SMG1: variants seen among roughly 807,000 people sequenced by gnomAD.
The protein encoded by SMG1 is SMG1 nonsense mediated mRNA decay associated PI3K related kinase.
Under a neutral mutation model 419.9 loss-of-function variants are expected in SMG1, and 22 were observed. The ratio of observed to expected loss-of-function variants is 0.05; its 90% CI spans 0.04 to 0.07. The LOEUF (loss-of-function observed/expected upper bound fraction) is 0.07, where lower values mean the gene tolerates loss of function less well. Ranked by LOEUF, SMG1 falls within the 10% of genes least tolerant of loss-of-function variation. The pLI is 1.00. For synonymous variants in SMG1, 1,538 were observed against 1,553.5 expected, an observed-to-expected ratio of 0.99 and a Z score of 0.23; for missense variants, 3,185 against 4,342.0, an observed-to-expected ratio of 0.73 and a Z score of 7.49.
rs534755895 is a variant in SMG1, at chr16:18,904,169, T to C, written c.93-7213A>G. Reference sequence around the variant, plus strand: ...AGCCAGGATGGTCTCGATCTCCTGATCTCGTGATCCACCCACCTTGGCCTC... The same window carrying C: ...AGCCAGGATGGTCTCGATCTCCTGACCTCGTGATCCACCCACCTTGGCCTC... On this transcript the variant is annotated intron_variant, in intron 1 of 62. Coordinates refer to ENST00000446231, the MANE Select transcript of SMG1 (RefSeq NM_015092.5). 9.3e-5 allele frequency among the ~76,000 whole-genome samples: 14 copies of C among 150,122 alleles called. No homozygotes were observed. In the South Asian group the frequency reaches 2.7e-3, roughly 29 times the overall value.
At chr16:18,894,819 TTTG>T (rs545486694) in intron 3 of SMG1, among the ~76,000 whole-genome samples, 753 of 152,086 alleles carry the variant, frequency 5.0e-3, no homozygotes, top group Non-Finnish European at 8.0e-3. Flanking sequence ...AACTTTCTTT[TTTG>T]TTGTTGTTTT....
rs2033390130 is a variant in SMG1, at chr16:18,834,069, C to T, written c.8565+135G>A. The T allele has an allele frequency of 4.4e-6, 3 of 678,536 alleles. No homozygotes were observed. In the South Asian group the frequency reaches 6.0e-5, roughly 14 times the overall value. 42.0% of individuals were successfully genotyped at this position (678,536 alleles called of 1,614,324 possible). ...AACCAAGTTATAGCTATAAATCTCACAATTATCTTCCTTTTAAATGACTGG... is the reference window on the plus strand; with the variant it reads ...AACCAAGTTATAGCTATAAATCTCATAATTATCTTCCTTTTAAATGACTGG... On this transcript the variant is annotated intron_variant, in intron 50 of 62. Coordinates refer to ENST00000446231, the MANE Select transcript of SMG1 (RefSeq NM_015092.5).
At chr16:18,883,051 A>G (rs1405414388) in intron 9 of SMG1, among the ~76,000 whole-genome samples, 1 of 152,220 alleles carries the variant, frequency 6.6e-6, no homozygotes, top group African/African-American at 2.4e-5. Flanking sequence ...GAAGCGAAAC[A>G]CTTCCTTGCT....
chr16:18,919,813 T>TG (rs988470531), intron 1 of SMG1, among the ~76,000 whole-genome samples: 30 of 150,888 alleles, frequency 2.0e-4, no homozygotes, highest in South Asian at 4.2e-4. Context: ...CAAAAGGGGT[T>TG]GGGGGGGTCC....
At position 18,849,491 on chromosome 16, in the gene SMG1, T is replaced by C. The variant is rs2034473179; in HGVS notation, c.5462-113A>G. The C allele has an allele frequency of 8.0e-6, 8 of 998,598 alleles. No homozygotes were observed. In the South Asian group the frequency reaches 1.4e-4, roughly 17 times the overall value. The allele number at this position is 998,598 out of a possible 1,614,324, so 61.9% of individuals were successfully genotyped here. A position where few individuals can be genotyped will look rare whatever the true frequency, so the allele number is the denominator to read the frequency against. On this transcript the variant is annotated intron_variant, in intron 35 of 62. Transcript: ENST00000446231. Reference sequence around the variant, plus strand: ...TGATGTGTGTCGGCATTAGTACGGATTTTAAGAGTTCAAATTTCTCCCTGT... The same window carrying C: ...TGATGTGTGTCGGCATTAGTACGGACTTTAAGAGTTCAAATTTCTCCCTGT...
chr16:18,827,449 A>AATATACCTATAT lies in SMG1; in HGVS notation c.9741+570_9741+581dup, dbSNP rs1056473835. Among the ~76,000 whole-genome samples, 3 of 144,840 alleles carry AATATACCTATAT rather than the reference A, an allele frequency of 2.1e-5. No homozygotes were observed. The East Asian group carries it at 6.0e-4, about 29-fold the overall frequency. Reference sequence around the variant, plus strand: ...TCCAAAATATATATATATAGGTATAAATATACCTATATATATATATTTTTA... The same window carrying AATATACCTATAT: ...TCCAAAATATATATATATAGGTATAAATATACCTATATATATACCTATATATATATATTTTTA... On this transcript the variant is annotated intron_variant, in intron 55 of 62. Coordinates refer to ENST00000446231, the MANE Select transcript of SMG1 (RefSeq NM_015092.5).
At position 18,853,236 on chromosome 16, in the gene SMG1, T is replaced by C. The variant is rs557905673; in HGVS notation, c.4768+347A>G. 1.4e-4 allele frequency among the ~76,000 whole-genome samples: 22 copies of C among 152,356 alleles called. 1 individual carries two copies. The highest frequency in any genetic ancestry group is 5.3e-4 in the African/African-American group (22 of 41,596). On this transcript the variant is annotated intron_variant, in intron 31 of 62. Transcript: ENST00000446231. ...CCAGAATGGGAAACTTGAATCTTTATATAGTTTCTGTGTTCCACCAATCAA... is the reference window on the plus strand; with the variant it reads ...CCAGAATGGGAAACTTGAATCTTTACATAGTTTCTGTGTTCCACCAATCAA...
At chr16:18,836,715 C>T in intron 46 of SMG1, among the ~76,000 whole-genome samples, 183 bp from the exon 47 acceptor site, 1 of 152,134 alleles carries the variant, frequency 6.6e-6, no homozygotes, top group South Asian at 2.1e-4. Context: ...CAACCATGCT[C>T]ATGACATTTT....
chr16:18,882,222 A>G lies in SMG1; in HGVS notation c.1236T>C (p.Ile412=). 4 of 1,605,628 alleles carry G rather than the reference A, an allele frequency of 2.5e-6. No individual in the cohort carries two copies. Among genetic ancestry groups the G allele is most frequent in the Non-Finnish European group, 3.4e-6 (4 of 1,176,638 alleles). Residue 412 remains isoleucine (I), a synonymous_variant, in exon 10 of 63, where the codon ATT becomes ATC. Transcript: ENST00000446231. ...CCCGAATTGGGCTGAAGCGTTCCCCAATGCTCCTCACCACAGTACTAAATA... is the reference window on the plus strand; with the variant it reads ...CCCGAATTGGGCTGAAGCGTTCCCCGATGCTCCTCACCACAGTACTAAATA... ...LRVFSTVVRS[I]GERFSPIRGP... is the part of the protein sequence containing the mutation.
intron 62 of SMG1, 151 bp downstream of exon 62, chr16:18,811,610 C>T (rs1214373041): frequency 4.0e-6 from 3 of 750,938 alleles, no homozygotes; most frequent in African/African-American, 3.5e-5. Flanking sequence ...CTTGACGACG[C>T]CAGAGCTGTG....
In SMG1 at chr16:18,866,636, T is replaced by G. The variant is rs764562962; in HGVS notation, c.3335A>C (p.Gln1112Pro). The change falls in exon 23 of 63, where the codon CAA (glutamine) becomes CCA (proline). Residue 1112 changes from glutamine (Q) to proline (P), a missense_variant. Physicochemically the swap from Gln to Pro is moderately conservative, Grantham distance 76. This residue lies in a region of SMG1 where 121 missense variants were observed against 125.4 expected (regional missense o/e 0.96). Coordinates refer to ENST00000446231, the MANE Select transcript of SMG1 (RefSeq NM_015092.5). ...TCCAACCTACCTCCCTTCAGCCTGTTGAGCCACTGAGTTAATCCACAGAAG... is the reference window on the plus strand; with the variant it reads ...TCCAACCTACCTCCCTTCAGCCTGTGGAGCCACTGAGTTAATCCACAGAAG... ...KNLLWINSVA[Q>P]QAEGRFEKAS... 3.5e-5 allele frequency: 55 copies of G among 1,593,502 alleles called. No individual in the cohort carries two copies. Among genetic ancestry groups the G allele is most frequent in the Middle Eastern group, 2.3e-4 (1 of 4,436 alleles).
chr16:18,897,326 T>C (rs150448287), intron 1 of SMG1, among the ~76,000 whole-genome samples: 1,652 of 152,304 alleles, frequency 0.011, 16 homozygotes, highest in Non-Finnish European at 0.018. Context: ...ATAAGAATAA[T>C]TCTTTCTAAA....
Position 18,829,346 on chromosome 16 carries a change from G to A in SMG1, c.9543C>T (p.Thr3181=). 2.5e-6 allele frequency: 4 copies of A among 1,613,984 alleles called. No homozygotes were observed. Among genetic ancestry groups the A allele is most frequent in the Non-Finnish European group, 3.4e-6 (4 of 1,179,884 alleles). Residue 3181 remains threonine (T), a synonymous_variant, in exon 54 of 63, where the codon ACC becomes ACT. Transcript: ENST00000446231. ...KKHDLVRRLE[T]SISSCKTSLQ... ...GGCTTGTCTTACAAGAAGAAATACT[G>A]GTTTCTAGCCTTCGCACCAAGTCAT...
chr16:18,836,590 T>C, intron 46 of SMG1, 58 bp from the exon 47 acceptor site: 1 of 1,557,294 alleles, frequency 6.4e-7, no homozygotes, highest in South Asian at 1.2e-5. Flanking sequence ...TTCCACATAC[T>C]TTCCTACCCT....
chr16:18,864,980 T>A (rs146303354), intron 23 of SMG1, among the ~76,000 whole-genome samples: 1 of 152,196 alleles, frequency 6.6e-6, no homozygotes, highest in African/African-American at 2.4e-5. Context: ...GTGGAAAATA[T>A]TGATAAGTAG....
chr16:18,899,004 G>C (rs778918464), intron 1 of SMG1, among the ~76,000 whole-genome samples: 12 of 152,124 alleles, frequency 7.9e-5, no homozygotes, highest in Non-Finnish European at 1.6e-4. Context: ...TTGTTGTGAG[G>C]CTTAAATAAG....
chr16:18,834,533 T>C, intron 49 of SMG1, 95 bp from the exon 50 acceptor site: 2 of 1,225,424 alleles, frequency 1.6e-6, no homozygotes, highest in Non-Finnish European at 1.1e-6. Context: ...TTCCAGCATT[T>C]TGGGAGGCCG....
In SMG1 at chr16:18,830,238, A is replaced by G; in HGVS notation, c.8924T>C (p.Phe2975Ser). 6.2e-7 allele frequency: 1 copy of G among 1,613,960 alleles called. No homozygotes were observed. The change falls in exon 52 of 63, where the codon TTC becomes TCC. Residue 2975 changes from phenylalanine (F) to serine (S), a missense_variant. Physicochemically the swap from Phe to Ser is radical, Grantham distance 155. Around this residue, in one of 27 missense-constraint regions of SMG1, gnomAD observed 737 missense variants for 846.6 expected, o/e 0.87. Transcript: ENST00000446231. ...DGMFAQVETA[F>S]SLLVEKLNKM... The stretch of plus-strand genomic sequence containing the variant: ...ATTTACCTTTTCAACTAATAAGCTG[A>G]AAGCAGTTTCAACTTGAGCAAACAT...
Position 18,839,762 on chromosome 16 carries a change from T to C in SMG1, c.6881A>G (p.Asn2294Ser), listed in dbSNP as rs894279821. ...LEELMEATPP[N>S]LLAKELWSSC... is the part of the protein sequence containing the mutation. Reference sequence around the variant, plus strand: ...TGACCAGAGCTCTTTGGCAAGGAGATTCGGGGGTGTGGCCTCCATTAACTC... The same window carrying C: ...TGACCAGAGCTCTTTGGCAAGGAGACTCGGGGGTGTGGCCTCCATTAACTC... The change falls in exon 42 of 63, where the codon AAT (asparagine) becomes AGT (serine). Residue 2294 changes from asparagine (N) to serine (S), a missense_variant. This residue lies in a region of SMG1 where 132 missense variants were observed against 151.0 expected (regional missense o/e 0.87). Coordinates refer to ENST00000446231, the MANE Select transcript of SMG1 (RefSeq NM_015092.5). 4 of 1,613,888 alleles carry C rather than the reference T, an allele frequency of 2.5e-6. No individual in the cohort carries two copies. Among genetic ancestry groups the C allele is most frequent in the African/African-American group, 2.7e-5 (2 of 74,924 alleles).
Sources: allele counts gnomAD v4.1 joint callset (sites outside exome capture counted in the v4.1 genomes callset), GRCh38; gene constraint gnomAD v4.1.1; regional missense constraint gnomAD v4.1.1; transcripts MANE v1.5; gene names NCBI Gene and HGNC (gene_info 2026-07-23, HGNC 2026-07-21).